Variants in GRID1 observed in about 807,000 individuals in gnomAD.
GRID1 encodes glutamate receptor ionotropic, delta-1.
In GRID1, 28 loss-of-function variants were observed where a neutral mutation model predicts 98.0. The ratio of observed to expected loss-of-function variants is 0.29; its 90% CI spans 0.21 to 0.39. The LOEUF is 0.39. Among genes scored for constraint, GRID1 ranks in the 10% least tolerant of loss-of-function variants. GRID1 has a pLI of 1.00. For synonymous variants in GRID1, 553 were observed against 538.5 expected (o/e 1.03, Z -0.37); for missense variants, 1,111 against 1,340.5 (o/e 0.83, Z 2.67).
chr10:86,309,082 A>C (rs921900708), intron 2 of GRID1, among the ~76,000 whole-genome samples: 8 of 152,334 alleles, frequency 5.3e-5, no homozygotes, highest in Non-Finnish European at 1.0e-4. Context: ...GTAGGAAGAC[A>C]ATAGAGTAAA....
intron 8 of GRID1, among the ~76,000 whole-genome samples, chr10:85,746,656 A>G (rs529752618): frequency 4.6e-5 from 7 of 152,152 alleles, no homozygotes; most frequent in Non-Finnish European, 8.8e-5. Flanking sequence ...CCTGGAAGAT[A>G]GTTCCAGATG....
chr10:85,776,971 C>A, intron 8 of GRID1, among the ~76,000 whole-genome samples: 1 of 152,344 alleles, frequency 6.6e-6, no homozygotes, highest in Middle Eastern at 3.4e-3. Flanking sequence ...ATAGCTACAA[C>A]AAACTGTGGT....
chr10:85,911,341 G>A lies in GRID1; in HGVS notation c.780+4845C>T, dbSNP rs543763896. 3.8e-4 allele frequency among the ~76,000 whole-genome samples: 58 copies of A among 152,232 alleles called. 1 individual carries two copies. The highest frequency in any genetic ancestry group is 1.4e-3 in the African/African-American group (58 of 41,540). ...CGAGGTGGTGATGGAGCTTCCAAGT[G>A]GCCAAGTCAAGAGGATCTTGAGTCA... On this transcript the variant is annotated intron_variant, in intron 5 of 15. Coordinates refer to ENST00000327946, the MANE Select transcript of GRID1 (RefSeq NM_017551.3).
intron 6 of GRID1, among the ~76,000 whole-genome samples, chr10:85,868,084 C>T (rs1589280724): frequency 6.6e-6 from 1 of 152,178 alleles, no homozygotes; most frequent in East Asian, 1.9e-4. Context: ...TGTTCTGCAA[C>T]CCCAATTTCT....
At chr10:86,141,322 T>C (rs1845008151) in intron 3 of GRID1, among the ~76,000 whole-genome samples, 2 of 152,150 alleles carry the variant, frequency 1.3e-5, no homozygotes, top group African/African-American at 4.8e-5. Flanking sequence ...CTCCCAAGCT[T>C]CTTGAAAGAA....
At chr10:85,772,522 A>G (rs1456746351) in intron 8 of GRID1, among the ~76,000 whole-genome samples, 1 of 152,126 alleles carries the variant, frequency 6.6e-6, no homozygotes, top group African/African-American at 2.4e-5. Context: ...CAAAAAATTA[A>G]TGAATCCAGG....
At chr10:85,620,339 A>T (rs984918639) in intron 13 of GRID1, among the ~76,000 whole-genome samples, 2 of 152,180 alleles carry the variant, frequency 1.3e-5, no homozygotes, top group African/African-American at 4.8e-5. Context: ...CTATGGGCCT[A>T]TGTCTCAGAT....
At chr10:85,645,713 C>T (rs1338345733) in intron 13 of GRID1, 2 of 152,206 alleles carry the variant, frequency 1.3e-5, no homozygotes, top group Non-Finnish European at 1.5e-5. Context: ...ATGTCAAGCT[C>T]CAGAGCCTAG....
At position 85,733,058 on chromosome 10, in the gene GRID1, T is replaced by C. The variant is rs552449313; in HGVS notation, c.1234-3444A>G. On this transcript the variant is annotated intron_variant, in intron 8 of 15. Transcript: ENST00000327946. ...TAGATTTACAGAAAAGTTGTAGATA[T>C]TGTACACAGAATGTCAATAGATCCA... 3.9e-5 allele frequency among the ~76,000 whole-genome samples: 6 copies of C among 152,326 alleles called. No homozygotes were observed. The East Asian group carries it at 1.2e-3, about 29-fold the overall frequency.
At chr10:86,191,314 A>G (rs1247475071) in intron 3 of GRID1, among the ~76,000 whole-genome samples, 1 of 152,178 alleles carries the variant, frequency 6.6e-6, no homozygotes, top group Non-Finnish European at 1.5e-5. Context: ...AGACGCTCAA[A>G]TAAGTCTTGA....
intron 8 of GRID1, among the ~76,000 whole-genome samples, chr10:85,834,887 TA>T (rs1842899543): frequency 6.6e-6 from 1 of 151,976 alleles, no homozygotes; most frequent in Non-Finnish European, 1.5e-5. Flanking sequence ...ATATGCCAAT[TA>T]AAAGGCAAAA....
At chr10:85,856,649 A>T (rs1843112856) in intron 6 of GRID1, among the ~76,000 whole-genome samples, 1 of 152,224 alleles carries the variant, frequency 6.6e-6, no homozygotes, top group African/African-American at 2.4e-5. Context: ...ACCAGCTCAT[A>T]AAGATTTTGG....
chr10:86,100,252 G>C (rs1165716761), intron 4 of GRID1, among the ~76,000 whole-genome samples: 1 of 152,182 alleles, frequency 6.6e-6, no homozygotes, highest in Non-Finnish European at 1.5e-5. Flanking sequence ...GCAGGCTGTA[G>C]AATATAAGAG....
chr10:86,055,889 C>T (rs1280601149), intron 4 of GRID1, among the ~76,000 whole-genome samples: 1 of 152,036 alleles, frequency 6.6e-6, no homozygotes, highest in East Asian at 1.9e-4. Context: ...GAAAAAGAGC[C>T]CTTGCCAGAA....
chr10:85,932,229 T>C (rs1841865484), intron 4 of GRID1, among the ~76,000 whole-genome samples: 1 of 152,144 alleles, frequency 6.6e-6, no homozygotes. Flanking sequence ...TTTTTAAAAA[T>C]TGAGACAGGG....
chr10:85,688,143 A>G (rs545025246), intron 12 of GRID1, among the ~76,000 whole-genome samples: 47 of 152,332 alleles, frequency 3.1e-4, no homozygotes, highest in Admixed American at 6.5e-4. Context: ...AACAAATGCA[A>G]AAGCACAGAA....
chr10:85,995,584 A>C (rs565830754), intron 4 of GRID1, among the ~76,000 whole-genome samples: 7 of 152,386 alleles, frequency 4.6e-5, no homozygotes, highest in African/African-American at 1.4e-4. Flanking sequence ...TGCATGTGGC[A>C]GCTATTCAAG....
In GRID1 at chr10:86,220,477, C is replaced by T. The variant is rs150878744; in HGVS notation, c.236-13829G>A. 3.0e-3 allele frequency among the ~76,000 whole-genome samples: 456 copies of T among 152,260 alleles called. 1 individual carries two copies. The highest frequency in any genetic ancestry group is 0.01 in the African/African-American group (430 of 41,536). On this transcript the variant is annotated intron_variant, in intron 2 of 15. Transcript: ENST00000327946. ...TACTGAGGAAGCACTTTGACCAGCA[C>T]CAGTAAGTACAGGTAACTTACCACC...
intron 3 of GRID1, among the ~76,000 whole-genome samples, chr10:86,173,645 T>C (rs973243379): frequency 1.3e-5 from 2 of 151,858 alleles, no homozygotes; most frequent in African/African-American, 4.8e-5. Flanking sequence ...TACATATGTA[T>C]ACATGTGCCA....
Sources: gnomAD v4.1 joint callset for allele counts (sites outside exome capture counted in the v4.1 genomes callset) on GRCh38, gnomAD v4.1.1 for gene constraint, MANE v1.5 for transcripts, NCBI Gene and HGNC (gene_info 2026-07-23, HGNC 2026-07-21) for gene names.